FAP: variants seen among roughly 807,000 people sequenced by gnomAD.
FAP encodes fibroblast activation protein alpha, also known as prolyl endopeptidase FAP.
In FAP, 110 loss-of-function variants were observed where a neutral mutation model predicts 126.5. The observed-to-expected ratio is 0.87, with a 90% CI of 0.74 to 1.02. FAP has a LOEUF of 1.02. Among genes scored for constraint, FAP ranks in the 50% least tolerant of loss-of-function variants. The pLI is 0.00. For synonymous variants in FAP, 334 were observed against 297.3 expected, an observed-to-expected ratio of 1.12 and a Z score of -1.27; for missense variants, 919 against 909.2, an observed-to-expected ratio of 1.01 and a Z score of -0.14.
chr2:162,197,485 C>T (rs1688298429), intron 16 of FAP: 2 of 451,906 alleles, frequency 4.4e-6, no homozygotes, highest in Admixed American at 4.7e-5. Flanking sequence ...CCACAATCAG[C>T]ACATATGGTC....
At chr2:162,193,594 G>A (rs924597672) in intron 17 of FAP, 4 of 152,044 alleles carry the variant, frequency 2.6e-5, no homozygotes, top group South Asian at 2.1e-4. Flanking sequence ...AAACCTTGTC[G>A]ACTTGAAATC....
chr2:162,208,195 G>T (rs2106257755), intron 12 of FAP, among the ~76,000 whole-genome samples: 1 of 151,500 alleles, frequency 6.6e-6, no homozygotes, highest in South Asian at 2.1e-4. Context: ...GGCGGAGCTT[G>T]CAGTGAGCCG....
intron 20 of FAP, 80 bp downstream of exon 20, chr2:162,188,089 C>A: frequency 8.6e-7 from 1 of 1,157,700 alleles, no homozygotes; most frequent in South Asian, 1.5e-5. Flanking sequence ...AGAATTAAGT[C>A]ATGAAGAATG....
chr2:162,198,326 G>A, intron 16 of FAP: 1 of 1,285,756 alleles, frequency 7.8e-7, no homozygotes, highest in Non-Finnish European at 1.0e-6. Flanking sequence ...ATATTTCTCT[G>A]GGCAAAGGGG....
At chr2:162,172,086 T>TC (rs1392120971) in intron 25 of FAP, 1 of 152,056 alleles carries the variant, frequency 6.6e-6, no homozygotes, top group Non-Finnish European at 1.5e-5. Flanking sequence ...AGTCAGTACA[T>TC]TTTTTAAAAA....
intron 21 of FAP, among the ~76,000 whole-genome samples, chr2:162,181,403 C>T (rs923880424): frequency 2.0e-5 from 3 of 152,172 alleles, no homozygotes; most frequent in African/African-American, 7.2e-5. Context: ...TGTATACTTG[C>T]TTATTCAGAC....
intron 20 of FAP, among the ~76,000 whole-genome samples, chr2:162,184,870 C>A (rs1687809529): frequency 6.6e-6 from 1 of 152,084 alleles, no homozygotes; most frequent in Non-Finnish European, 1.5e-5. Context: ...AATCATACTA[C>A]CTTACATCTG....
intron 16 of FAP, chr2:162,197,609 G>A: frequency 2.2e-6 from 1 of 456,682 alleles, no homozygotes; most frequent in South Asian, 1.5e-5. Context: ...GGGTTAAAAT[G>A]CTTATTCATG....
intron 3 of FAP, among the ~76,000 whole-genome samples, chr2:162,226,119 A>T (rs1689637137): frequency 6.6e-6 from 1 of 152,130 alleles, no homozygotes; most frequent in Admixed American, 6.5e-5. Flanking sequence ...TACCGATTTC[A>T]TGACCCTTAA....
At position 162,180,317 on chromosome 2, in the gene FAP, T is replaced by C. The variant is rs190195038; in HGVS notation, c.1869+3097A>G. Among the ~76,000 whole-genome samples the C allele has an allele frequency of 9.9e-5, 15 of 152,220 alleles. No individual in the cohort carries two copies. The East Asian group carries it at 2.9e-3, about 29-fold the overall frequency. On this transcript the variant is annotated intron_variant, in intron 21 of 25. Coordinates refer to ENST00000188790, the MANE Select transcript of FAP (RefSeq NM_004460.5). ...ATAACTTCATTAACCACATTGGAGC[T>C]TGTGAAGCCAAAGCAGGAGGACAGG...
intron 21 of FAP, among the ~76,000 whole-genome samples, chr2:162,181,318 C>T (rs1162602302): frequency 1.3e-5 from 2 of 151,970 alleles, no homozygotes; most frequent in African/African-American, 4.8e-5. Flanking sequence ...ATCATAGAGG[C>T]ACAGAAGAAT....
At chr2:162,213,159 T>C (rs1327054873) in intron 11 of FAP, among the ~76,000 whole-genome samples, 1 of 151,942 alleles carries the variant, frequency 6.6e-6, no homozygotes, top group Non-Finnish European at 1.5e-5. Flanking sequence ...GGGTGGATCA[T>C]GAGGTCAAGA....
At chr2:162,226,403 T>G (rs1689648471) in intron 3 of FAP, 120 bp downstream of exon 3, 6 of 522,010 alleles carry the variant, frequency 1.1e-5, no homozygotes, top group East Asian at 3.4e-5. Context: ...ATTCAGATAA[T>G]TGTTCTTTTT....
intron 2 of FAP, among the ~76,000 whole-genome samples, chr2:162,240,287 T>A (rs1156945286): frequency 6.6e-6 from 1 of 152,254 alleles, no homozygotes; most frequent in Non-Finnish European, 1.5e-5. Context: ...GTAAGTGAGC[T>A]AAATGGATTT....
At chr2:162,229,859 C>A (rs559991847) in intron 2 of FAP, among the ~76,000 whole-genome samples, 1 of 152,030 alleles carries the variant, frequency 6.6e-6, no homozygotes, top group Non-Finnish European at 1.5e-5. Flanking sequence ...GCATATGACT[C>A]AAAAAATCTG....
In FAP at chr2:162,179,808, ATATAT is replaced by A. The variant is rs199567723; in HGVS notation, c.1869+3601_1869+3605del. On this transcript the variant is annotated intron_variant, in intron 21 of 25. Coordinates refer to ENST00000188790, the MANE Select transcript of FAP (RefSeq NM_004460.5). ...TATCTATCTATATATATATATATAT[ATATAT>A]TTTTTTTTTTTTTGAGATGGAGTCT... is the stretch of plus-strand genomic sequence containing the variant. Among the ~76,000 whole-genome samples, 531 of 133,960 alleles carry A rather than the reference ATATAT, an allele frequency of 4.0e-3. 7 individuals are homozygous for A. In the East Asian group the frequency reaches 0.05, roughly 13 times the overall value. 87.9% of individuals were successfully genotyped at this position (133,960 alleles called of 152,430 possible). A position where few individuals can be genotyped will look rare whatever the true frequency, so the allele number is the denominator to read the frequency against.
At chr2:162,192,920 T>C (rs1437282457) in intron 17 of FAP, among the ~76,000 whole-genome samples, 1 of 152,156 alleles carries the variant, frequency 6.6e-6, no homozygotes, top group Admixed American at 6.6e-5. Flanking sequence ...GCTCTTCCTG[T>C]GTGCTTCCAG....
chr2:162,223,612 T>C lies in FAP; in HGVS notation c.409A>G (p.Asn137Asp). 6.3e-7 allele frequency: 1 copy of C among 1,596,298 alleles called. No homozygotes were observed. The highest frequency in any genetic ancestry group is 8.6e-7 in the Non-Finnish European group (1 of 1,164,062). ...TAATAAACAGAGGTGATTTACCCAT[T>C]GCTAAGGTCATAGATGTAATATGTT... Reference protein sequence around the residue: ...TATYYIYDLSNGEFVRGNELP... With the variant: ...TATYYIYDLSDGEFVRGNELP... Residue 137 changes from asparagine to aspartate, a missense_variant, in exon 6 of 26, where the codon AAT (asparagine) becomes GAT (aspartate). Asn to Asp is a conservative substitution (Grantham distance 23, BLOSUM62 1). Transcript: ENST00000188790.
chr2:162,221,059 T>C (rs995284767), intron 6 of FAP, among the ~76,000 whole-genome samples: 4 of 152,316 alleles, frequency 2.6e-5, no homozygotes, highest in Admixed American at 2.0e-4. Context: ...TGTAACTTTT[T>C]AGGTGCCTGC....
Sources: gnomAD v4.1 joint callset for allele counts (sites outside exome capture counted in the v4.1 genomes callset) on GRCh38, gnomAD v4.1.1 for gene constraint, MANE v1.5 for transcripts, NCBI Gene and HGNC (gene_info 2026-07-23, HGNC 2026-07-21) for gene names.